The following ENAH variants were observed in gnomAD, a reference collection of about 807,000 sequenced individuals.
ENAH encodes the protein protein enabled homolog.
Under a neutral mutation model 78.7 loss-of-function variants are expected in ENAH, and 23 were observed. The ratio of observed to expected loss-of-function variants is 0.29; its 90% CI spans 0.21 to 0.41. ENAH has a LOEUF of 0.41. ENAH is among the 10% of genes least tolerant of loss of function. The pLI, the probability that ENAH is intolerant of heterozygous loss-of-function variation, is 1.00. For synonymous variants in ENAH, 226 were observed against 241.0 expected, an observed-to-expected ratio of 0.94 and a Z score of 0.58; for missense variants, 544 against 691.0, an observed-to-expected ratio of 0.79 and a Z score of 2.39.
At chr1:225,653,333 A>ACGGCGG (rs559736104), upstream of ENAH, among the ~76,000 whole-genome samples, 1 of 149,862 alleles carries the variant, frequency 6.7e-6, no homozygotes, top group Non-Finnish European at 1.5e-5. This position sits in a 1 kb window ranked among gnomAD's most constrained non-coding sequence, Gnocchi z 4.3. Context: ...AGCGAGCGCG[A>ACGGCGG]CGGCGGCGGC....
At chr1:225,630,604 T>A (rs1187215882) in intron 1 of ENAH, among the ~76,000 whole-genome samples, 1 of 152,196 alleles carries the variant, frequency 6.6e-6, no homozygotes, top group Non-Finnish European at 1.5e-5. Context: ...TTATATATAT[T>A]TTATCACAAT....
intron 1 of ENAH, among the ~76,000 whole-genome samples, chr1:225,619,928 G>A (rs1050146864): frequency 6.6e-6 from 1 of 152,086 alleles, no homozygotes; most frequent in Non-Finnish European, 1.5e-5. Flanking sequence ...TAAATGTACC[G>A]GATTGAACCA....
chr1:225,618,861 G>A (rs1656288742), intron 1 of ENAH, among the ~76,000 whole-genome samples: 2 of 152,124 alleles, frequency 1.3e-5, no homozygotes, highest in African/African-American at 4.8e-5. Flanking sequence ...TGCAGGTAAA[G>A]GAAAGACATG....
chr1:225,517,875 A>G, intron 5 of ENAH: 1 of 1,551,466 alleles, frequency 6.4e-7, no homozygotes, highest in Non-Finnish European at 8.7e-7. Context: ...CAGGAGTGGC[A>G]TCTGACACTG....
chr1:225,584,990 G>A (rs1414157576), intron 1 of ENAH, among the ~76,000 whole-genome samples: 1 of 152,054 alleles, frequency 6.6e-6, no homozygotes, highest in Non-Finnish European at 1.5e-5. Context: ...TGAGGCAGGT[G>A]GATCATTTGA....
chr1:225,645,388 A>T (rs1341177750), intron 1 of ENAH, among the ~76,000 whole-genome samples: 1 of 152,158 alleles, frequency 6.6e-6, no homozygotes, highest in Non-Finnish European at 1.5e-5. Flanking sequence ...TGATGGCCAA[A>T]TATTATTCTG....
At chr1:225,536,756 T>C (rs945732012) in intron 3 of ENAH, among the ~76,000 whole-genome samples, 18 of 151,976 alleles carry the variant, frequency 1.2e-4, no homozygotes, top group African/African-American at 3.6e-4. Flanking sequence ...CATAATCCAA[T>C]TGTCTTGCTT....
chr1:225,611,541 A>G (rs2096989081), intron 1 of ENAH, among the ~76,000 whole-genome samples: 1 of 152,020 alleles, frequency 6.6e-6, no homozygotes, highest in Non-Finnish European at 1.5e-5. Flanking sequence ...CTGGTCTTGA[A>G]CTACTGACCT....
chr1:225,508,146 C>A, intron 10 of ENAH, 129 bp from the exon 11 acceptor site: 1 of 502,928 alleles, frequency 2.0e-6, no homozygotes, highest in South Asian at 4.7e-5. Context: ...AATTTAAATT[C>A]TAAACTTTAA....
intron 1 of ENAH, among the ~76,000 whole-genome samples, chr1:225,624,636 CAAATAAAT>C (rs57242435): frequency 2.7e-5 from 4 of 150,246 alleles, no homozygotes; most frequent in African/African-American, 9.9e-5. Context: ...AATCAATCAA[CAAATAAAT>C]AAATAAATAA....
chr1:225,634,255 C>G (rs1659643745), intron 1 of ENAH, among the ~76,000 whole-genome samples: 1 of 152,168 alleles, frequency 6.6e-6, no homozygotes, highest in African/African-American at 2.4e-5. Flanking sequence ...GGCATGAATG[C>G]CACCTCATCT....
At chr1:225,630,834 T>C (rs1658882764) in intron 1 of ENAH, among the ~76,000 whole-genome samples, 1 of 152,220 alleles carries the variant, frequency 6.6e-6, no homozygotes, top group African/African-American at 2.4e-5. Context: ...ATTATACAAC[T>C]TGAATTCTCA....
At chr1:225,621,323 C>T (rs1656868969) in intron 1 of ENAH, among the ~76,000 whole-genome samples, 1 of 148,670 alleles carries the variant, frequency 6.7e-6, no homozygotes, top group Admixed American at 6.7e-5. Context: ...GACGCAGTCT[C>T]GCTCTGTCGC....
At position 225,489,185 on chromosome 1, in the gene ENAH, G is replaced by A. The variant is rs1314688534; in HGVS notation, c.*8590C>T. On this transcript the variant is annotated 3_prime_UTR_variant, in exon 14 of 14. Coordinates refer to ENST00000366843, the MANE Select transcript of ENAH (RefSeq NM_018212.6). ...AGCTCTTGAACTACAAGAGTCAAAT[G>A]GACCTTCTGCTATTCATATAATTGG... The A allele has an allele frequency of 6.6e-6, 1 of 151,958 alleles. No individual in the cohort carries two copies. Among genetic ancestry groups the A allele is most frequent in the East Asian group, 1.9e-4 (1 of 5,188 alleles). 9.4% of individuals were successfully genotyped at this position (151,958 alleles called of 1,614,324 possible). A position where few individuals can be genotyped will look rare whatever the true frequency, so the allele number is the denominator to read the frequency against.
chr1:225,644,782 C>T (rs1412247698), intron 1 of ENAH, among the ~76,000 whole-genome samples: 4 of 152,112 alleles, frequency 2.6e-5, no homozygotes, highest in Admixed American at 6.6e-5. Flanking sequence ...TTCTATAAGG[C>T]CTTTACCACT....
intron 5 of ENAH, 164 bp downstream of exon 5, chr1:225,519,034 A>T (rs1018427041): frequency 2.2e-5 from 25 of 1,161,482 alleles, no homozygotes; most frequent in Non-Finnish European, 2.6e-5. Context: ...AGAGAAATAA[A>T]AAGAAAATGT....
intron 1 of ENAH, among the ~76,000 whole-genome samples, chr1:225,606,372 T>C (rs567857795): frequency 2.6e-5 from 4 of 151,580 alleles, no homozygotes; most frequent in East Asian, 3.9e-4. Flanking sequence ...TGAGGCAGAA[T>C]TGCTTGAACC....
chr1:225,501,825 A>ATT (rs1183593634), intron 11 of ENAH, among the ~76,000 whole-genome samples: 1 of 152,216 alleles, frequency 6.6e-6, no homozygotes, highest in Non-Finnish European at 1.5e-5. Flanking sequence ...AGTTTCTATT[A>ATT]TAATTCTTAA....
intron 1 of ENAH, among the ~76,000 whole-genome samples, chr1:225,576,808 A>ACATCAAG (rs1374102058): frequency 5.9e-5 from 9 of 152,250 alleles, no homozygotes; most frequent in Admixed American, 5.2e-4. Context: ...CCCTGCCAGC[A>ACATCAAG]CATCAAGCTC....
Sources: allele counts gnomAD v4.1 joint callset (sites outside exome capture counted in the v4.1 genomes callset), GRCh38; gene constraint gnomAD v4.1.1; non-coding constraint Gnocchi (gnomAD v3.1); transcripts MANE v1.5; gene names NCBI Gene and HGNC (gene_info 2026-07-23, HGNC 2026-07-21).